The following STEAP2 variants were observed in gnomAD, a reference collection of about 807,000 sequenced individuals.
STEAP2 encodes STEAP2 metalloreductase.
STEAP2 carries 30 observed loss-of-function variants against 46.4 expected under a neutral mutation model. The ratio of observed to expected loss-of-function variants is 0.65; its 90% CI spans 0.48 to 0.88. The LOEUF is 0.88. Among genes scored for constraint, STEAP2 ranks in the 40% least tolerant of loss-of-function variants. STEAP2 has a pLI of 0.00. For synonymous variants in STEAP2, 180 were observed against 200.5 expected (o/e 0.90, Z 0.86); for missense variants, 513 against 579.3 (o/e 0.89, Z 1.18).
chr7:90,211,829 C>T lies in STEAP2; in HGVS notation c.-363C>T, dbSNP rs1794818004. 2 of 152,572 alleles carry T rather than the reference C, an allele frequency of 1.3e-5. No individual in the cohort carries two copies. The highest frequency in any genetic ancestry group is 2.1e-4 in the South Asian group (1 of 4,842). The allele number at this position is 152,572 out of a possible 1,614,324, so 9.5% of individuals were successfully genotyped here. Reference sequence around the variant, plus strand: ...CGCTGCCAAGCCGGCCTCCGCGCGCCTCCCTCCTTCCTTCTCCCCTGGCTG... The same window carrying T: ...CGCTGCCAAGCCGGCCTCCGCGCGCTTCCCTCCTTCCTTCTCCCCTGGCTG... On this transcript the variant is annotated 5_prime_UTR_variant, in exon 1 of 6. Transcript: ENST00000394621.
chr7:90,216,170 T>C (rs1179792010), intron 1 of STEAP2: 1 of 152,154 alleles, frequency 6.6e-6, no homozygotes, highest in Non-Finnish European at 1.5e-5. Context: ...ACCTGGGAGC[T>C]TGTGAAAAAA....
At position 90,236,408 on chromosome 7, in the gene STEAP2, T is replaced by A; in HGVS notation, c.*3784T>A. The A allele has an allele frequency of 1.0e-6, 1 of 985,380 alleles. No individual in the cohort carries two copies. The highest frequency in any genetic ancestry group is 1.2e-6 in the Non-Finnish European group (1 of 829,844). The allele number at this position is 985,380 out of a possible 1,614,324, so 61.0% of individuals were successfully genotyped here. A position where few individuals can be genotyped will look rare whatever the true frequency, so the allele number is the denominator to read the frequency against. On this transcript the variant is annotated 3_prime_UTR_variant, in exon 6 of 6. Coordinates refer to ENST00000394621, the MANE Select transcript of STEAP2 (RefSeq NM_001244944.2). The stretch of plus-strand genomic sequence containing the variant: ...AATCCATGACTTAAAACAAGATACA[T>A]ACATAGTATAACACACCTCACAGTG...
Position 90,227,439 on chromosome 7 carries a change from C to T in STEAP2, c.961C>T (p.Leu321Phe). Residue 321 changes from leucine (L) to phenylalanine (F), a missense_variant, in exon 4 of 6, where the codon CTC becomes TTC. By Grantham distance (22) the Leu-to-Phe change is conservative. Transcript: ENST00000394621. ...FFAMVHVAYS[L>F]CLPMRRSERY... Reference sequence around the variant, plus strand: ...CGCTATGGTCCATGTTGCCTACAGCCTCTGCTTACCGATGAGAAGGTCAGA... The same window carrying T: ...CGCTATGGTCCATGTTGCCTACAGCTTCTGCTTACCGATGAGAAGGTCAGA... 5 of 1,605,482 alleles carry T rather than the reference C, an allele frequency of 3.1e-6. No individual in the cohort carries two copies. Among genetic ancestry groups the T allele is most frequent in the Non-Finnish European group, 4.3e-6 (5 of 1,172,890 alleles).
At position 90,233,600 on chromosome 7, in the gene STEAP2, A is replaced by G. The variant is rs1795843686; in HGVS notation, c.*976A>G. 1.1e-6 allele frequency: 1 copy of G among 907,766 alleles called. No homozygotes were observed. Among genetic ancestry groups the G allele is most frequent in the Admixed American group, 6.2e-5 (1 of 16,184 alleles). 56.2% of individuals were successfully genotyped at this position (907,766 alleles called of 1,614,324 possible). Reference sequence around the variant, plus strand: ...ACTTGTATTATCCCATTTAATACTTAGAACAACCCCGTGAGATAAGTAGTT... The same window carrying G: ...ACTTGTATTATCCCATTTAATACTTGGAACAACCCCGTGAGATAAGTAGTT... On this transcript the variant is annotated 3_prime_UTR_variant, in exon 6 of 6. Coordinates refer to ENST00000394621, the MANE Select transcript of STEAP2 (RefSeq NM_001244944.2).
At chr7:90,212,296 G>A (rs570747319) in intron 1 of STEAP2, 1 of 152,818 alleles carries the variant, frequency 6.5e-6, no homozygotes, top group Non-Finnish European at 1.5e-5. Context: ...AAGTCCTGAG[G>A]TTGGGCCCAG....
chr7:90,235,121 T>A lies in STEAP2; in HGVS notation c.*2497T>A. ...AAAGTTAAATGACTATTAAAGCATA[T>A]ATTGTTGCATGTATATATTAAGTAG... On this transcript the variant is annotated 3_prime_UTR_variant, in exon 6 of 6. Transcript: ENST00000394621. The A allele has an allele frequency of 1.1e-6, 1 of 941,426 alleles. No homozygotes were observed. The highest frequency in any genetic ancestry group is 1.3e-6 in the Non-Finnish European group (1 of 789,736). 58.3% of individuals were successfully genotyped at this position (941,426 alleles called of 1,614,324 possible).
At chr7:90,219,126 C>T (rs759041012) in intron 2 of STEAP2, among the ~76,000 whole-genome samples, 2 of 151,442 alleles carry the variant, frequency 1.3e-5, no homozygotes, top group East Asian at 3.9e-4. Context: ...TTTTGTATGT[C>T]GATTTTGTAT....
chr7:90,236,176 C>T lies in STEAP2; in HGVS notation c.*3552C>T. 1 of 726,558 alleles carries T rather than the reference C, an allele frequency of 1.4e-6. No homozygotes were observed. Among genetic ancestry groups the T allele is most frequent in the Non-Finnish European group, 1.7e-6 (1 of 595,364 alleles). 45.0% of individuals were successfully genotyped at this position (726,558 alleles called of 1,614,324 possible). A position where few individuals can be genotyped will look rare whatever the true frequency, so the allele number is the denominator to read the frequency against. ...CCATTAAGCTATTTCATAATAAATT[C>T]TGTACAGTTTCCCCCCAAAAAAGAG... On this transcript the variant is annotated 3_prime_UTR_variant, in exon 6 of 6. Transcript: ENST00000394621.
chr7:90,235,650 G>A lies in STEAP2; in HGVS notation c.*3026G>A. 1 of 967,240 alleles carries A rather than the reference G, an allele frequency of 1.0e-6. No homozygotes were observed. Among genetic ancestry groups the A allele is most frequent in the Non-Finnish European group, 1.2e-6 (1 of 813,682 alleles). The allele number at this position is 967,240 out of a possible 1,614,324, so 59.9% of individuals were successfully genotyped here. ...AAATCAAGTAATTGTTTTCCTATGA[G>A]GAAAATAACCATGAGCTGTATCATG... On this transcript the variant is annotated 3_prime_UTR_variant, in exon 6 of 6. Transcript: ENST00000394621.
At chr7:90,220,203 A>C (rs6965342) in intron 2 of STEAP2, among the ~76,000 whole-genome samples, 1,999 of 152,252 alleles carry the variant, frequency 0.013, 43 homozygotes, top group African/African-American at 0.044. Context: ...GTTTGAAGAG[A>C]ATTGGTGTTA....
At chr7:90,239,810 A>G (rs1403727602), downstream of STEAP2, among the ~76,000 whole-genome samples, 1 of 152,132 alleles carries the variant, frequency 6.6e-6, no homozygotes, top group Non-Finnish European at 1.5e-5. Flanking sequence ...TATACTTTTC[A>G]TTAGAATGGT....
At chr7:90,237,986 T>C, downstream of STEAP2, 1 of 702,966 alleles carries the variant, frequency 1.4e-6, no homozygotes, top group Non-Finnish European at 2.6e-6. Flanking sequence ...TAAAGAGATA[T>C]TATAATAAAT....
chr7:90,212,279 T>G (rs558848711), intron 1 of STEAP2: 1 of 152,730 alleles, frequency 6.5e-6, no homozygotes, highest in South Asian at 2.1e-4. Flanking sequence ...TTCCTAGAGC[T>G]AAGGGCAAGT....
intron 4 of STEAP2, among the ~76,000 whole-genome samples, chr7:90,228,729 A>G (rs1795609288): frequency 6.6e-6 from 1 of 152,186 alleles, no homozygotes; most frequent in South Asian, 2.1e-4. Context: ...TCACTGATGC[A>G]TACCCAGTGC....
chr7:90,236,813 A>G lies in STEAP2; in HGVS notation c.*4189A>G. 1 of 1,586,982 alleles carries G rather than the reference A, an allele frequency of 6.3e-7. No homozygotes were observed. The highest frequency in any genetic ancestry group is 8.6e-7 in the Non-Finnish European group (1 of 1,166,628). On this transcript the variant is annotated 3_prime_UTR_variant, in exon 6 of 6. Coordinates refer to ENST00000394621, the MANE Select transcript of STEAP2 (RefSeq NM_001244944.2). ...CCAGTGGCCAGATGAGCTAAATTAA[A>G]TCACAAAAGCAGATGCTTTTGTATG...
chr7:90,231,746 A>G (rs1284481605), intron 5 of STEAP2, among the ~76,000 whole-genome samples: 1 of 152,088 alleles, frequency 6.6e-6, no homozygotes, highest in Non-Finnish European at 1.5e-5. Context: ...ATACACACAC[A>G]CATACATACA....
chr7:90,211,915 C>A lies in STEAP2; in HGVS notation c.-277C>A. 6.6e-6 allele frequency: 1 copy of A among 152,482 alleles called. No individual in the cohort carries two copies. The highest frequency in any genetic ancestry group is 2.1e-4 in the South Asian group (1 of 4,834). 9.4% of individuals were successfully genotyped at this position (152,482 alleles called of 1,614,324 possible). A position where few individuals can be genotyped will look rare whatever the true frequency, so the allele number is the denominator to read the frequency against. The stretch of plus-strand genomic sequence containing the variant: ...GGAGTGCGACCGCCGCGGCAGCCAC[C>A]CTGCAACCGCCAGTCGGAGGTGCAG... On this transcript the variant is annotated 5_prime_UTR_variant, in exon 1 of 6. Coordinates refer to ENST00000394621, the MANE Select transcript of STEAP2 (RefSeq NM_001244944.2).
chr7:90,233,020 A>C lies in STEAP2; in HGVS notation c.*396A>C. 2 of 967,498 alleles carry C rather than the reference A, an allele frequency of 2.1e-6. No homozygotes were observed. Among genetic ancestry groups the C allele is most frequent in the Non-Finnish European group, 1.2e-6 (1 of 813,462 alleles). The allele number at this position is 967,498 out of a possible 1,614,324, so 59.9% of individuals were successfully genotyped here. Reference sequence around the variant, plus strand: ...GATATACATTTTTTTCTGAAGATTAAGATTTTAATTATTCAACTTAAAAAG... The same window carrying C: ...GATATACATTTTTTTCTGAAGATTACGATTTTAATTATTCAACTTAAAAAG... On this transcript the variant is annotated 3_prime_UTR_variant, in exon 6 of 6. Coordinates refer to ENST00000394621, the MANE Select transcript of STEAP2 (RefSeq NM_001244944.2).
chr7:90,225,511 C>G lies in STEAP2; in HGVS notation c.429C>G (p.Val143=). ...LASLFPDSLI[V]KGFNVVSAWA... ...CATTATTCCCAGATTCTTTGATTGT[C>G]AAAGGATTTAATGTTGTCTCAGCTT... The change falls in exon 3 of 6, where the codon GTC becomes GTG. Residue 143 remains valine, a synonymous_variant. Coordinates refer to ENST00000394621, the MANE Select transcript of STEAP2 (RefSeq NM_001244944.2). The G allele has an allele frequency of 1.2e-6, 2 of 1,613,554 alleles. No individual in the cohort carries two copies. Among genetic ancestry groups the G allele is most frequent in the Non-Finnish European group, 1.7e-6 (2 of 1,179,770 alleles).
Sources: allele counts gnomAD v4.1 joint callset (sites outside exome capture counted in the v4.1 genomes callset), GRCh38; gene constraint gnomAD v4.1.1; transcripts MANE v1.5; gene names NCBI Gene and HGNC (gene_info 2026-07-23, HGNC 2026-07-21).